Variants in NDUFAF6 observed in about 807,000 individuals in gnomAD.
The protein encoded by NDUFAF6 is NADH dehydrogenase (ubiquinone) complex I, assembly factor 6.
In NDUFAF6, 45 loss-of-function variants were observed where a neutral mutation model predicts 40.8. That is an observed-to-expected ratio of 1.10 (90% CI 0.87 to 1.42). The LOEUF is 1.42. Ranked by LOEUF, NDUFAF6 falls within the 40% of genes most tolerant of loss-of-function variation. The pLI, the probability that NDUFAF6 is intolerant of heterozygous loss-of-function variation, is 0.00. For synonymous variants in NDUFAF6, 185 were observed against 155.9 expected (o/e 1.19, Z -1.39); for missense variants, 435 against 418.5 (o/e 1.04, Z -0.34).
intron 4 of NDUFAF6, among the ~76,000 whole-genome samples, chr8:95,042,812 A>G (rs1007758306): frequency 6.6e-6 from 1 of 152,208 alleles, no homozygotes; most frequent in Admixed American, 6.5e-5. Flanking sequence ...TGGAATAGAA[A>G]TGAGAGTCCA....
At chr8:95,085,963 A>G (rs1809031755) in intron 2 of NDUFAF6, among the ~76,000 whole-genome samples, 1 of 152,206 alleles carries the variant, frequency 6.6e-6, no homozygotes, top group South Asian at 2.1e-4. Context: ...CAGTGTTTAA[A>G]TATGTGACCT....
intron 1 of NDUFAF6, among the ~76,000 whole-genome samples, chr8:94,922,667 T>A (rs981370268): frequency 6.6e-6 from 1 of 151,622 alleles, no homozygotes. Flanking sequence ...TTAATAGAGA[T>A]GAGCTTTCAC....
intron 2 of NDUFAF6, among the ~76,000 whole-genome samples, chr8:95,004,349 CTTTTTTTTTTT>C (rs11422482): frequency 1.1e-5 from 1 of 92,442 alleles, no homozygotes; most frequent in South Asian, 3.6e-4. Context: ...CTCACCATTA[CTTTTTTTTTTT>C]TTTTTTTTTT....
chr8:94,913,514 G>A (rs1196082458), intron 1 of NDUFAF6, among the ~76,000 whole-genome samples: 1 of 152,040 alleles, frequency 6.6e-6, no homozygotes, highest in East Asian at 1.9e-4. Flanking sequence ...AACCATTTCT[G>A]GGCCAGGCGC....
Position 94,944,399 on chromosome 8 carries a change from GCCACAGGTCCAAAC to G in NDUFAF6, c.-935-1080_-935-1067del, listed in dbSNP as rs539264637. Among the ~76,000 whole-genome samples the G allele has an allele frequency of 1.8e-4, 28 of 152,274 alleles. 1 individual carries two copies. In the South Asian group the frequency reaches 5.4e-3, roughly 29 times the overall value. Reference sequence around the variant, plus strand: ...TCCCACATGCAAATTGCCCCCTCTGGCCACAGGTCCAAACCCAGGAAGGCAGCTTCTGCCTGGAA... The same window carrying G: ...TCCCACATGCAAATTGCCCCCTCTGGCCAGGAAGGCAGCTTCTGCCTGGAA... On this transcript the variant is annotated intron_variant, in intron 1 of 14. Coordinates refer to the NDUFAF6 transcript ENST00000396113.
At chr8:94,903,632 G>A (rs1316370083) in intron 1 of NDUFAF6, among the ~76,000 whole-genome samples, 1 of 152,094 alleles carries the variant, frequency 6.6e-6, no homozygotes, top group Non-Finnish European at 1.5e-5. Flanking sequence ...GGGTTCGGGG[G>A]GAGTTTATAA....
At chr8:94,996,935 C>T (rs1447737064) in intron 2 of NDUFAF6, among the ~76,000 whole-genome samples, 3 of 152,054 alleles carry the variant, frequency 2.0e-5, no homozygotes, top group East Asian at 1.9e-4. Flanking sequence ...CCTCCAGCCT[C>T]CAGAACTGTG....
At chr8:95,080,181 G>A (rs143292340), downstream of NDUFAF6, among the ~76,000 whole-genome samples, 11,297 of 132,138 alleles carry the variant, frequency 0.085, 1,247 homozygotes, top group Middle Eastern at 0.15. Flanking sequence ...TATTTTTGTA[G>A]CGTATTTTTT....
At chr8:95,073,485 C>T (rs113625490) in intron 9 of NDUFAF6, among the ~76,000 whole-genome samples, 1 of 151,916 alleles carries the variant, frequency 6.6e-6, no homozygotes, top group African/African-American at 2.4e-5. Context: ...TATCCGGGCT[C>T]GCAGACCACG....
chr8:95,018,550 A>G (rs748949884), intron 2 of NDUFAF6, among the ~76,000 whole-genome samples: 9 of 149,802 alleles, frequency 6.0e-5, no homozygotes, highest in Admixed American at 2.0e-4. Context: ...GGTGCTCCCA[A>G]TCTGTTTTGT....
In NDUFAF6 at chr8:95,041,627, G is replaced by GT; in HGVS notation, c.477+2dup. 6.2e-7 allele frequency: 1 copy of GT among 1,610,844 alleles called. No individual in the cohort carries two copies. Among genetic ancestry groups the GT allele is most frequent in the Non-Finnish European group, 8.5e-7 (1 of 1,177,146 alleles). On this transcript the variant is annotated splice_donor_variant, in intron 4 of 8. Transcript: ENST00000396124. LOFTEE classifies it high-confidence loss of function. Reference sequence around the variant, plus strand: ...GCTTATGAAAATCGTCGATGAAAGAGTGAGTCAAAATTGTTCAAGTCTTAA... The same window carrying GT: ...GCTTATGAAAATCGTCGATGAAAGAGTTGAGTCAAAATTGTTCAAGTCTTAA...
chr8:95,034,265 G>C (rs2599715), intron 2 of NDUFAF6: 257,000 of 328,736 alleles, frequency 0.78, 101,811 homozygotes, highest in East Asian at 0.94. Context: ...GACCCTTATC[G>C]CTATAAACTT....
At chr8:94,978,797 ACCTCC>A (rs371498048) in intron 1 of NDUFAF6, among the ~76,000 whole-genome samples, 201 of 152,134 alleles carry the variant, frequency 1.3e-3, no homozygotes, top group Non-Finnish European at 1.6e-3. Context: ...GCAAATGGGA[ACCTCC>A]AATTTGTAGC....
chr8:95,080,501 AT>A (rs1808803525), downstream of NDUFAF6, among the ~76,000 whole-genome samples: 1 of 91,112 alleles, frequency 1.1e-5, no homozygotes, highest in Non-Finnish European at 2.3e-5. Flanking sequence ...TTTGGTAGTG[AT>A]TTTTGGTAGT....
At chr8:94,967,920 G>A (rs1241240149) in intron 1 of NDUFAF6, among the ~76,000 whole-genome samples, 5 of 139,828 alleles carry the variant, frequency 3.6e-5, no homozygotes, top group Admixed American at 2.2e-4. Flanking sequence ...TAGCCTTTGC[G>A]ACAGAGCGAG....
intron 2 of NDUFAF6, chr8:94,988,915 T>A (rs1348284807): frequency 6.6e-6 from 1 of 152,180 alleles, no homozygotes; most frequent in Non-Finnish European, 1.5e-5. Context: ...TTATGCTAAG[T>A]GAAAGAAGCC....
At chr8:94,958,840 AT>A (rs1345614770) in intron 1 of NDUFAF6, among the ~76,000 whole-genome samples, 2 of 152,134 alleles carry the variant, frequency 1.3e-5, no homozygotes, top group Non-Finnish European at 2.9e-5. Context: ...AGTGCTAGAG[AT>A]TAGGGCTTCA....
intron 1 of NDUFAF6, among the ~76,000 whole-genome samples, chr8:94,914,439 A>G (rs968431097): frequency 6.6e-6 from 1 of 152,144 alleles, no homozygotes; most frequent in Non-Finnish European, 1.5e-5. Flanking sequence ...TGTACCTCTC[A>G]AACATTTTAG....
intron 8 of NDUFAF6, among the ~76,000 whole-genome samples, chr8:95,053,987 G>A (rs1162765744): frequency 8.0e-6 from 1 of 124,544 alleles, no homozygotes; most frequent in Admixed American, 1.1e-4. Context: ...CAGGTTCCCA[G>A]GTTGGAGTGC....
Sources: allele counts gnomAD v4.1 joint callset (sites outside exome capture counted in the v4.1 genomes callset), GRCh38; gene constraint gnomAD v4.1.1; transcripts MANE v1.5; gene names NCBI Gene and HGNC (gene_info 2026-07-23, HGNC 2026-07-21).